Variants in CRACD observed in about 807,000 individuals in gnomAD.
CRACD encodes the protein capping protein-inhibiting regulator of actin dynamics.
A neutral mutation model predicts 106.8 loss-of-function variants in CRACD; 56 were observed. The observed-to-expected ratio is 0.52, with a 90% CI of 0.42 to 0.66. CRACD has a LOEUF of 0.66. Among genes scored for constraint, CRACD ranks in the 30% least tolerant of loss-of-function variants. The probability of loss-of-function intolerance (pLI) is 0.00; values close to 1 mark genes in which losing one functional copy is unlikely to be tolerated. For missense variants in CRACD, 1,730 were observed against 1,623.2 expected, an observed-to-expected ratio of 1.07 and a Z score of -1.13; for synonymous variants, 754 against 670.8, an observed-to-expected ratio of 1.12 and a Z score of -1.92.
intron 2 of CRACD, among the ~76,000 whole-genome samples, chr4:56,214,430 T>TA (rs1206188653): frequency 6.6e-6 from 1 of 151,262 alleles, no homozygotes; most frequent in East Asian, 2.0e-4. Context: ...TCATCTCTAC[T>TA]AAAATACAAA....
At chr4:56,321,761 C>G (rs2109793697) in intron 8 of CRACD, among the ~76,000 whole-genome samples, 2 of 152,270 alleles carry the variant, frequency 1.3e-5, no homozygotes, top group Admixed American at 1.3e-4. Context: ...AGATGTCAGT[C>G]TTATTTTCTC....
At chr4:56,132,322 G>A (rs556256531) in intron 1 of CRACD, among the ~76,000 whole-genome samples, 3 of 152,100 alleles carry the variant, frequency 2.0e-5, no homozygotes, top group African/African-American at 7.2e-5. Context: ...TTACAGACAT[G>A]AGCCACCGTG....
At chr4:56,171,022 G>T (rs1736339746) in intron 1 of CRACD, among the ~76,000 whole-genome samples, 1 of 152,130 alleles carries the variant, frequency 6.6e-6, no homozygotes. Flanking sequence ...TCTGCATCAT[G>T]GTGGTGACAG....
chr4:56,313,880 G>T (rs1745318467), intron 7 of CRACD, among the ~76,000 whole-genome samples, 160 bp from the exon 8 acceptor site: 1 of 152,058 alleles, frequency 6.6e-6, no homozygotes, highest in Non-Finnish European at 1.5e-5. Context: ...GTCTTGCGTG[G>T]GGTGACCGAT....
chr4:56,308,366 A>G (rs1241765705), intron 5 of CRACD, among the ~76,000 whole-genome samples: 2 of 152,134 alleles, frequency 1.3e-5, no homozygotes, highest in Admixed American at 6.6e-5. Flanking sequence ...AGTTCTTCCA[A>G]AGCAGCAGAA....
intron 8 of CRACD, among the ~76,000 whole-genome samples, chr4:56,322,025 T>A (rs535228384): frequency 1.8e-4 from 27 of 152,342 alleles, no homozygotes; most frequent in Middle Eastern, 6.8e-3. Context: ...GGTTCTGGAC[T>A]ACCAAAGTGT....
chr4:56,185,117 C>A (rs528560432), intron 2 of CRACD, among the ~76,000 whole-genome samples: 1 of 152,116 alleles, frequency 6.6e-6, no homozygotes, highest in Non-Finnish European at 1.5e-5. Context: ...CCACCACGCC[C>A]GGCTAATTTT....
intron 1 of CRACD, among the ~76,000 whole-genome samples, chr4:56,127,310 A>G (rs919904657): frequency 6.6e-6 from 1 of 152,202 alleles, no homozygotes; most frequent in African/African-American, 2.4e-5. Context: ...AAAGCAGCAC[A>G]AACGGACTAA....
chr4:56,168,450 T>A (rs1736236094), intron 1 of CRACD, among the ~76,000 whole-genome samples: 1 of 152,054 alleles, frequency 6.6e-6, no homozygotes, highest in African/African-American at 2.4e-5. Flanking sequence ...TACCAATTTT[T>A]AACTTAATGC....
At chr4:56,071,650 C>T (rs1239049102) in intron 1 of CRACD, among the ~76,000 whole-genome samples, 4 of 151,956 alleles carry the variant, frequency 2.6e-5, no homozygotes, top group Non-Finnish European at 5.9e-5. Context: ...GCTGGTATTA[C>T]AGATGTGTGC....
At chr4:56,065,505 T>C (rs1038572778) in intron 1 of CRACD, among the ~76,000 whole-genome samples, 8 of 152,222 alleles carry the variant, frequency 5.3e-5, no homozygotes, top group African/African-American at 1.9e-4. Context: ...CTTTTCCTTG[T>C]TGTCATGCAG....
At chr4:56,251,757 C>A (rs1741066660) in intron 2 of CRACD, among the ~76,000 whole-genome samples, 1 of 152,190 alleles carries the variant, frequency 6.6e-6, no homozygotes, top group South Asian at 2.1e-4. Context: ...GCTCTGGCAG[C>A]TCTCAGCTTG....
intron 2 of CRACD, among the ~76,000 whole-genome samples, chr4:56,238,564 A>T (rs1740136600): frequency 1.3e-5 from 2 of 152,246 alleles, no homozygotes; most frequent in African/African-American, 2.4e-5. Context: ...AACTCATTGT[A>T]GGAACATGGA....
chr4:56,318,976 C>T (rs753135354), intron 8 of CRACD, among the ~76,000 whole-genome samples: 1 of 152,128 alleles, frequency 6.6e-6, no homozygotes. Flanking sequence ...ATGATTTCTT[C>T]GGAAGTAGCA....
intron 2 of CRACD, among the ~76,000 whole-genome samples, chr4:56,268,465 G>A (rs914214974): frequency 6.6e-6 from 1 of 151,884 alleles, no homozygotes; most frequent in African/African-American, 2.4e-5. Context: ...AAAAGCAACT[G>A]TAAAAAAAAT....
intron 2 of CRACD, among the ~76,000 whole-genome samples, chr4:56,186,188 C>T (rs138467176): frequency 1.0e-3 from 155 of 152,296 alleles, no homozygotes; most frequent in African/African-American, 3.4e-3. Context: ...AAAATTCTAG[C>T]TAAATCCTTT....
At chr4:56,313,637 A>G (rs999940824) in intron 7 of CRACD, among the ~76,000 whole-genome samples, 2 of 152,140 alleles carry the variant, frequency 1.3e-5, no homozygotes, top group South Asian at 4.1e-4. Flanking sequence ...TTTGCAGTGG[A>G]AAAGTGGTTT....
chr4:56,183,389 G>A lies in CRACD; in HGVS notation c.-189+3959G>A, dbSNP rs79195833. On this transcript the variant is annotated intron_variant, in intron 2 of 10. Coordinates refer to ENST00000682029, the MANE Select transcript of CRACD (RefSeq NM_001393381.1). ...AGCCGTCTAGCCATTTGTGTTCCTT[G>A]GCCTGCAGCTGCATCACTGCAGTCA... Among the ~76,000 whole-genome samples, 762 of 152,214 alleles carry A rather than the reference G, an allele frequency of 5.0e-3. 2 individuals carry two copies. The highest frequency in any genetic ancestry group is 8.1e-3 in the Non-Finnish European group (550 of 68,020).
chr4:56,221,465 A>G (rs2109513622), intron 2 of CRACD, among the ~76,000 whole-genome samples: 1 of 152,274 alleles, frequency 6.6e-6, no homozygotes, highest in Non-Finnish European at 1.5e-5. Flanking sequence ...TATTACTAAT[A>G]CTCCAAAAGC....
Sources: allele counts gnomAD v4.1 joint callset (sites outside exome capture counted in the v4.1 genomes callset), GRCh38; gene constraint gnomAD v4.1.1; transcripts MANE v1.5; gene names NCBI Gene and HGNC (gene_info 2026-07-23, HGNC 2026-07-21).